Variants in PHLDB2 observed in about 807,000 individuals in gnomAD.
PHLDB2 encodes the protein pleckstrin homology-like domain family B member 2.
PHLDB2 carries 71 observed loss-of-function variants against 123.6 expected under a neutral mutation model. That is an observed-to-expected ratio of 0.57 (90% CI 0.47 to 0.70). PHLDB2 has a LOEUF of 0.70. PHLDB2 is among the 30% of genes least tolerant of loss of function. The probability of loss-of-function intolerance (pLI) is 0.00; values close to 1 mark genes in which losing one functional copy is unlikely to be tolerated. For synonymous variants in PHLDB2, 547 were observed against 541.6 expected (o/e 1.01, Z -0.14); for missense variants, 1,446 against 1,519.5 (o/e 0.95, Z 0.80).
At chr3:111,842,357 C>T (rs1332285261) in intron 1 of PHLDB2, among the ~76,000 whole-genome samples, 3 of 152,164 alleles carry the variant, frequency 2.0e-5, no homozygotes, top group Non-Finnish European at 4.4e-5. Flanking sequence ...CATGGCCTTT[C>T]CCCTTATTAA....
rs750219838 is a variant in PHLDB2 at position 111,884,682 on chromosome 3, C to A, written c.605C>A (p.Pro202His). ...PISRSGAASMPSSPKQARKMS... is the reference protein window; with the variant it reads ...PISRSGAASMHSSPKQARKMS... ...AGCAGATCGGGAGCCGCAAGCATGC[C>A]TTCAAGCCCAAAGCAAGCCAGGAAA... The change falls in exon 2 of 18, where the codon CCT becomes CAT. Residue 202 changes from proline (P) to histidine (H), a missense_variant. Around this residue, in one of 3 missense-constraint regions of PHLDB2, gnomAD observed 832 missense variants for 831.9 expected, o/e 1.00. Transcript: ENST00000431670. The A allele has an allele frequency of 6.2e-7, 1 of 1,614,028 alleles. No homozygotes were observed. Among genetic ancestry groups the A allele is most frequent in the East Asian group, 2.2e-5 (1 of 44,878 alleles).
At position 111,786,508 on chromosome 3, in the gene PHLDB2, A is replaced by G. The variant is rs2060686077; in HGVS notation, c.-49+53805A>G. Among the ~76,000 whole-genome samples the G allele has an allele frequency of 2.0e-5, 3 of 152,190 alleles. No homozygotes were observed. In the South Asian group the frequency reaches 6.2e-4, roughly 32 times the overall value. ...TCTAAGGCCTCTTCCAAAGTCTAAG[A>G]TTTTATGATTCTGGATTGTTTGACC... On this transcript the variant is annotated intron_variant, in intron 1 of 17. Transcript: ENST00000393923.
At chr3:111,954,671 G>C (rs2070930925) in intron 12 of PHLDB2, among the ~76,000 whole-genome samples, 2 of 152,178 alleles carry the variant, frequency 1.3e-5, no homozygotes, top group African/African-American at 4.8e-5. Flanking sequence ...TAGATTTCTT[G>C]TGTTAACACA....
Position 111,967,668 on chromosome 3 carries a change from T to C in PHLDB2, c.3169-10T>C, listed in dbSNP as rs756549196. 1.2e-5 allele frequency: 20 copies of C among 1,601,050 alleles called. No individual in the cohort carries two copies. The African/African-American group carries it at 1.6e-4, about 13-fold the overall frequency. ...GTTTTAAAATAATCATTGTTATGCA[T>C]AATGTTTAGGAACGGGAAATGGAAG... On this transcript the variant is annotated splice_polypyrimidine_tract_variant and intron_variant, in intron 14 of 17. Coordinates refer to ENST00000431670, the MANE Select transcript of PHLDB2 (RefSeq NM_001134438.2).
intron 1 of PHLDB2, among the ~76,000 whole-genome samples, chr3:111,877,161 G>A (rs1400468820): frequency 6.6e-6 from 1 of 152,200 alleles, no homozygotes; most frequent in East Asian, 1.9e-4. Context: ...TTCCACAATG[G>A]TTGAACTAGT....
chr3:111,753,091 T>G (rs1215948873), intron 1 of PHLDB2, among the ~76,000 whole-genome samples: 1 of 152,182 alleles, frequency 6.6e-6, no homozygotes, highest in African/African-American at 2.4e-5. Flanking sequence ...CTATTGTGAA[T>G]AGTGCCGCAA....
At chr3:111,768,052 T>C (rs905190716) in intron 1 of PHLDB2, among the ~76,000 whole-genome samples, 3 of 152,162 alleles carry the variant, frequency 2.0e-5, no homozygotes, top group African/African-American at 7.2e-5. Flanking sequence ...CTGATTAGGA[T>C]TGTCTAGAAG....
chr3:111,857,081 A>G (rs1273474859), upstream of PHLDB2, among the ~76,000 whole-genome samples: 1 of 152,106 alleles, frequency 6.6e-6, no homozygotes, highest in Non-Finnish European at 1.5e-5. Flanking sequence ...ATTAGAACAA[A>G]GGCCCTGAGA....
intron 1 of PHLDB2, among the ~76,000 whole-genome samples, chr3:111,881,500 C>T (rs1033065914): frequency 9.9e-5 from 15 of 152,146 alleles, no homozygotes; most frequent in Non-Finnish European, 2.2e-4. Flanking sequence ...ATGGCATTTT[C>T]AGTGAATACC....
chr3:111,909,072 C>T (rs998669562), intron 2 of PHLDB2, among the ~76,000 whole-genome samples: 3 of 152,148 alleles, frequency 2.0e-5, no homozygotes, highest in Admixed American at 2.0e-4. Flanking sequence ...CTGAGCATAC[C>T]ATGATATGCC....
At chr3:111,805,039 T>A (rs1002806687) in intron 1 of PHLDB2, among the ~76,000 whole-genome samples, 10 of 149,460 alleles carry the variant, frequency 6.7e-5, no homozygotes, top group African/African-American at 2.6e-4. Flanking sequence ...AATTTGAAAG[T>A]GTCAACCTCA....
chr3:111,872,050 G>A (rs1303443273), intron 1 of PHLDB2, among the ~76,000 whole-genome samples: 1 of 152,212 alleles, frequency 6.6e-6, no homozygotes, highest in Non-Finnish European at 1.5e-5. Flanking sequence ...GCACTGGGTG[G>A]ATTTAATTTA....
In PHLDB2 at chr3:111,885,030, C is replaced by A. The variant is rs768543910; in HGVS notation, c.953C>A (p.Ala318Asp). ...SSGALPYKTSASEGNPYVSST... is the reference protein window; with the variant it reads ...SSGALPYKTSDSEGNPYVSST... ...GGGGCTTTACCCTATAAAACCTCTGCTTCTGAAGGCAATCCTTATGTAAGT... is the reference window on the plus strand; with the variant it reads ...GGGGCTTTACCCTATAAAACCTCTGATTCTGAAGGCAATCCTTATGTAAGT... The change falls in exon 2 of 18, where the codon GCT (alanine) becomes GAT (aspartate). Residue 318 changes from alanine (A) to aspartate (D), a missense_variant. Around this residue, in one of 3 missense-constraint regions of PHLDB2, gnomAD observed 832 missense variants for 831.9 expected, o/e 1.00. Transcript: ENST00000431670. 2 of 1,614,182 alleles carry A rather than the reference C, an allele frequency of 1.2e-6. No homozygotes were observed. Among genetic ancestry groups the A allele is most frequent in the Non-Finnish European group, 1.7e-6 (2 of 1,180,022 alleles).
intron 1 of PHLDB2, among the ~76,000 whole-genome samples, chr3:111,782,054 C>T (rs1481383931): frequency 3.3e-5 from 5 of 152,062 alleles, no homozygotes; most frequent in African/African-American, 7.2e-5. Flanking sequence ...TACTTATGTA[C>T]TGTCTCAGGA....
chr3:111,858,313 G>C (rs887816088), upstream of PHLDB2, among the ~76,000 whole-genome samples: 6 of 151,902 alleles, frequency 3.9e-5, no homozygotes, highest in Non-Finnish European at 8.8e-5. Flanking sequence ...GGGGGTGGGG[G>C]ACAAGGGGAG....
chr3:111,947,339 G>C (rs532115394), intron 9 of PHLDB2, among the ~76,000 whole-genome samples: 1 of 152,288 alleles, frequency 6.6e-6, no homozygotes, highest in East Asian at 1.9e-4. Context: ...TCTTCTGCTT[G>C]TTGAGTACAA....
chr3:111,950,513 T>A (rs1458010967), intron 10 of PHLDB2, among the ~76,000 whole-genome samples: 4 of 152,212 alleles, frequency 2.6e-5, no homozygotes, highest in Non-Finnish European at 5.9e-5. Flanking sequence ...TAAATCTAGT[T>A]TTTATTCACC....
At chr3:111,843,448 T>C (rs1359844238) in intron 1 of PHLDB2, among the ~76,000 whole-genome samples, 1 of 152,232 alleles carries the variant, frequency 6.6e-6, no homozygotes, top group Non-Finnish European at 1.5e-5. Context: ...TGGAGCACAG[T>C]AGCATGATCA....
At chr3:111,965,629 A>T (rs1272564780) in intron 13 of PHLDB2, among the ~76,000 whole-genome samples, 2 of 152,192 alleles carry the variant, frequency 1.3e-5, no homozygotes, top group African/African-American at 4.8e-5. Flanking sequence ...TACAGGCACG[A>T]AAGTCTGTCT....
Sources: gnomAD v4.1 joint callset for allele counts (sites outside exome capture counted in the v4.1 genomes callset) on GRCh38, gnomAD v4.1.1 for gene constraint, gnomAD v4.1.1 regional missense constraint, MANE v1.5 for transcripts, NCBI Gene and HGNC (gene_info 2026-07-23, HGNC 2026-07-21) for gene names.